The following TPRG1L variants were observed in gnomAD, a reference collection of about 807,000 sequenced individuals.
TPRG1L encodes tumor protein p63-regulated gene 1-like protein.
Under a neutral mutation model 29.4 loss-of-function variants are expected in TPRG1L, and 25 were observed. The observed-to-expected ratio is 0.85, with a 90% CI of 0.62 to 1.19. The LOEUF (loss-of-function observed/expected upper bound fraction) is 1.19, where lower values mean the gene tolerates loss of function less well. Ranked by LOEUF, TPRG1L falls within the 50% of genes most tolerant of loss-of-function variation. The pLI is 0.00. For synonymous variants in TPRG1L, 182 were observed against 151.1 expected (o/e 1.20, Z -1.50); for missense variants, 354 against 364.4 (o/e 0.97, Z 0.23).
At chr1:3,625,586 T>C in intron 2 of TPRG1L, 71 bp downstream of exon 2, 1 of 1,564,826 alleles carries the variant, frequency 6.4e-7, no homozygotes, top group South Asian at 1.2e-5. Flanking sequence ...TTGCGAGGAC[T>C]TCCCGGGGTG....
At chr1:3,626,701 C>T (rs1644492034) in intron 3 of TPRG1L, among the ~76,000 whole-genome samples, 1 of 151,666 alleles carries the variant, frequency 6.6e-6, no homozygotes, top group Non-Finnish European at 1.5e-5. Context: ...ACCTCAGCCT[C>T]CCAAGTAGCT....
At chr1:3,627,345 C>T (rs1644497400) in intron 3 of TPRG1L, among the ~76,000 whole-genome samples, 155 bp from the exon 4 acceptor site, 1 of 152,094 alleles carries the variant, frequency 6.6e-6, no homozygotes, top group South Asian at 2.1e-4. Flanking sequence ...AAAATAAAAA[C>T]TACAAGCCGT....
At chr1:3,625,400 T>TC in intron 1 of TPRG1L, 24 bp from the exon 2 acceptor site, 1 of 1,564,484 alleles carries the variant, frequency 6.4e-7, no homozygotes, top group Non-Finnish European at 8.7e-7. Flanking sequence ...TTTGCCCCCG[T>TC]CCCCCACCCC....
intron 3 of TPRG1L, among the ~76,000 whole-genome samples, chr1:3,626,838 C>A (rs1433430095): frequency 6.6e-6 from 1 of 152,108 alleles, no homozygotes; most frequent in Non-Finnish European, 1.5e-5. Flanking sequence ...TTTGGCCTCC[C>A]AAAGCGCTGG....
rs201546977 is a variant in TPRG1L, at chr1:3,625,427, G to C, written c.205G>C (p.Gly69Arg). The change falls in exon 2 of 5, where the codon GGC (glycine) becomes CGC (arginine). Residue 69 changes from glycine (G) to arginine (R), a missense_variant. By Grantham distance (125) the Gly-to-Arg change is moderately radical (BLOSUM62 -2). Transcript: ENST00000378344. ...CCCCACCCCGCAACCCGCCCAGCCCGGCAGCATCGAGCAGGCAGTGGAGGA... is the reference window on the plus strand; with the variant it reads ...CCCCACCCCGCAACCCGCCCAGCCCCGCAGCATCGAGCAGGCAGTGGAGGA... ...RVKEYFVFRP[G>R]SIEQAVEEIR... 1.3e-6 allele frequency: 2 copies of C among 1,592,444 alleles called. No individual in the cohort carries two copies. Among genetic ancestry groups the C allele is most frequent in the Non-Finnish European group, 8.5e-7 (1 of 1,170,208 alleles).
At chr1:3,627,980 C>T (rs1355376471) in intron 4 of TPRG1L, among the ~76,000 whole-genome samples, 1 of 152,250 alleles carries the variant, frequency 6.6e-6, no homozygotes, top group Non-Finnish European at 1.5e-5. Context: ...CCAGCCGTGC[C>T]AGATGACCAG....
intron 4 of TPRG1L, 126 bp from the exon 5 acceptor site, chr1:3,628,283 G>A: frequency 2.5e-6 from 2 of 801,726 alleles, no homozygotes; most frequent in Non-Finnish European, 4.0e-6. Flanking sequence ...GCCCTTTCAA[G>A]TGAAGGGACG....
rs900735381 is a variant in TPRG1L, at chr1:3,629,281, A to C, written c.*678A>C. Reference sequence around the variant, plus strand: ...CCCAGACCCAGAAAGCTTTACAGAAAATCATTGTAAGACAATTTATTAATT... The same window carrying C: ...CCCAGACCCAGAAAGCTTTACAGAACATCATTGTAAGACAATTTATTAATT... On this transcript the variant is annotated 3_prime_UTR_variant, in exon 5 of 5. Coordinates refer to ENST00000378344, the MANE Select transcript of TPRG1L (RefSeq NM_182752.4). The C allele has an allele frequency of 6.6e-6, 1 of 152,220 alleles. No individual in the cohort carries two copies. The highest frequency in any genetic ancestry group is 1.5e-5 in the Non-Finnish European group (1 of 68,046). 9.4% of individuals were successfully genotyped at this position (152,220 alleles called of 1,614,324 possible).
In TPRG1L at chr1:3,625,265, G is replaced by A. The variant is rs918361248; in HGVS notation, c.193G>A (p.Val65Met). The A allele has an allele frequency of 7.9e-6, 11 of 1,390,114 alleles. No homozygotes were observed. The highest frequency in any genetic ancestry group is 1.0e-5 in the Non-Finnish European group (11 of 1,080,484). 86.1% of individuals were successfully genotyped at this position (1,390,114 alleles called of 1,614,324 possible). Residue 65 changes from valine to methionine, a missense_variant, in exon 1 of 5, where the codon GTG becomes ATG. Val to Met is a conservative substitution (Grantham distance 21). Coordinates refer to ENST00000378344, the MANE Select transcript of TPRG1L (RefSeq NM_182752.4). ...TRRARVKEYF[V>M]FRPGSIEQAV... ...CCGCGCCCGCGTCAAGGAGTACTTC[G>A]TGTTCCGGGTGAGGCAGGGGCCAGG...
chr1:3,628,300 T>G (rs779609358), intron 4 of TPRG1L, 109 bp from the exon 5 acceptor site: 6 of 949,246 alleles, frequency 6.3e-6, no homozygotes, highest in Non-Finnish European at 9.5e-6. Context: ...GACGAAGAGA[T>G]AGGCGGCATT....
Position 3,629,209 on chromosome 1 carries a change from C to T in TPRG1L, c.*606C>T, listed in dbSNP as rs1483304770. 1 of 152,208 alleles carries T rather than the reference C, an allele frequency of 6.6e-6. No individual in the cohort carries two copies. The highest frequency in any genetic ancestry group is 2.4e-5 in the African/African-American group (1 of 41,456). The allele number at this position is 152,208 out of a possible 1,614,324, so 9.4% of individuals were successfully genotyped here. On this transcript the variant is annotated 3_prime_UTR_variant, in exon 5 of 5. Coordinates refer to ENST00000378344, the MANE Select transcript of TPRG1L (RefSeq NM_182752.4). ...TGGAAATGGGTGACCTGAAGTGACACTTTTTCCACAATTAACCCAAGTTGT... is the reference window on the plus strand; with the variant it reads ...TGGAAATGGGTGACCTGAAGTGACATTTTTTCCACAATTAACCCAAGTTGT...
At position 3,625,152 on chromosome 1, in the gene TPRG1L, C is replaced by T. The variant is rs1372194867; in HGVS notation, c.80C>T (p.Ala27Val). Residue 27 changes from alanine to valine, a missense_variant, in exon 1 of 5, where the codon GCA (alanine) becomes GTA (valine). By Grantham distance (64) the Ala-to-Val change is moderately conservative. Coordinates refer to ENST00000378344, the MANE Select transcript of TPRG1L (RefSeq NM_182752.4). ...CTGGCGGCCGGCGAGGAGGTGGGGG[C>T]AGGCGGCGGCCCGGGCGGGGGGCGG... ...AVLAAGEEVG[A>V]GGGPGGGRPG... 2 of 1,238,500 alleles carry T rather than the reference C, an allele frequency of 1.6e-6. No individual in the cohort carries two copies. The highest frequency in any genetic ancestry group is 3.2e-5 in the African/African-American group (2 of 63,252). 76.7% of individuals were successfully genotyped at this position (1,238,500 alleles called of 1,614,324 possible).
rs571771263 is a variant in TPRG1L at position 3,625,834 on chromosome 1, G to T, written c.415G>T (p.Ala139Ser). The change falls in exon 3 of 5, where the codon GCA becomes TCA. Residue 139 changes from alanine (A) to serine (S), a missense_variant. Coordinates refer to ENST00000378344, the MANE Select transcript of TPRG1L (RefSeq NM_182752.4). ...CQQVVRIALN[A>S]VDTISYGEFQ... The stretch of plus-strand genomic sequence containing the variant: ...GCAGGTGGTGCGGATAGCGCTCAAC[G>T]CAGTAGACACCATTTCCTACGGAGA... 6.2e-7 allele frequency: 1 copy of T among 1,613,384 alleles called. No individual in the cohort carries two copies. Among genetic ancestry groups the T allele is most frequent in the East Asian group, 2.2e-5 (1 of 44,892 alleles).
chr1:3,627,655 TAAG>T lies in TPRG1L; in HGVS notation c.624+7_624+9del. The T allele has an allele frequency of 1.2e-6, 2 of 1,608,758 alleles. No individual in the cohort carries two copies. The highest frequency in any genetic ancestry group is 2.2e-5 in the South Asian group (2 of 90,902). On this transcript the variant is annotated splice_donor_5th_base_variant and intron_variant, in intron 4 of 4. Transcript: ENST00000378344. Reference sequence around the variant, plus strand: ...GAGAAGACAGCATCTCTGTGTCAGGTAAGAAGACAGGCACATAAATAGCCGCGC... The same window carrying T: ...GAGAAGACAGCATCTCTGTGTCAGGTAAGACAGGCACATAAATAGCCGCGC...
chr1:3,625,027 G>T lies in TPRG1L; in HGVS notation c.-46G>T. 8.4e-7 allele frequency: 1 copy of T among 1,185,198 alleles called. No homozygotes were observed. The allele number at this position is 1,185,198 out of a possible 1,614,324, so 73.4% of individuals were successfully genotyped here. On this transcript the variant is annotated 5_prime_UTR_variant, in exon 1 of 5. Coordinates refer to ENST00000378344, the MANE Select transcript of TPRG1L (RefSeq NM_182752.4). ...GGGTGGTGGCGGTGGCTGCGGCGAC[G>T]GCGGTCGCGTCGGCGTCAGGGTCGG... is the stretch of plus-strand genomic sequence containing the variant.
At chr1:3,627,437 G>C in intron 3 of TPRG1L, 63 bp from the exon 4 acceptor site, 2 of 1,587,318 alleles carry the variant, frequency 1.3e-6, no homozygotes, top group Non-Finnish European at 1.7e-6. Context: ...GAGACTGTCA[G>C]ATTGTCCATG....
chr1:3,625,908 C>T lies in TPRG1L; in HGVS notation c.470+19C>T, dbSNP rs1425874330. The stretch of plus-strand genomic sequence containing the variant: ...TCAACAAGTAAGCCTGTTCAGAGTC[C>T]AGTATCACTGGACCTAAGCACCAGA... On this transcript the variant is annotated intron_variant, in intron 3 of 4. Transcript: ENST00000378344. 1.9e-6 allele frequency: 3 copies of T among 1,600,276 alleles called. No individual in the cohort carries two copies. Among genetic ancestry groups the T allele is most frequent in the Non-Finnish European group, 8.5e-7 (1 of 1,174,144 alleles).
At chr1:3,625,678 T>G (rs754478995) in intron 2 of TPRG1L, 35 bp from the exon 3 acceptor site, 3 of 1,592,866 alleles carry the variant, frequency 1.9e-6, no homozygotes, top group African/African-American at 1.3e-5. Context: ...GACAGCCGCG[T>G]CCAGTGTGGA....
rs780235790 is a variant in TPRG1L, at chr1:3,627,665, G to C, written c.624+12G>C. The C allele has an allele frequency of 6.3e-7, 1 of 1,595,706 alleles. No individual in the cohort carries two copies. ...CATCTCTGTGTCAGGTAAGAAGACA[G>C]GCACATAAATAGCCGCGCCCCCCGC... On this transcript the variant is annotated intron_variant, in intron 4 of 4. Transcript: ENST00000378344.
Sources: gnomAD v4.1 joint callset for allele counts (sites outside exome capture counted in the v4.1 genomes callset) on GRCh38, gnomAD v4.1.1 for gene constraint, MANE v1.5 for transcripts, NCBI Gene and HGNC (gene_info 2026-07-23, HGNC 2026-07-21) for gene names.